The following MGAT4C variants were observed in gnomAD, a reference collection of about 807,000 sequenced individuals.
MGAT4C encodes the protein alpha-1,3-mannosyl-glycoprotein 4-beta-N-acetylglucosaminyltransferase C.
In MGAT4C, 19 loss-of-function variants were observed where a neutral mutation model predicts 40.1. That is an observed-to-expected ratio of 0.47 (90% CI 0.33 to 0.70). MGAT4C has a LOEUF of 0.70. Ranked by LOEUF, MGAT4C falls within the 30% of genes least tolerant of loss-of-function variation. The pLI, the probability that MGAT4C is intolerant of heterozygous loss-of-function variation, is 0.02. For missense variants in MGAT4C, 491 were observed against 563.2 expected, an observed-to-expected ratio of 0.87 and a Z score of 1.30; for synonymous variants, 181 against 187.1, an observed-to-expected ratio of 0.97 and a Z score of 0.27.
At chr12:86,265,164 T>G (rs898180648) in intron 4 of MGAT4C, among the ~76,000 whole-genome samples, 4 of 142,914 alleles carry the variant, frequency 2.8e-5, no homozygotes, top group African/African-American at 1.1e-4. Context: ...CCTCGCTCCC[T>G]CATACATCCC....
At chr12:86,375,245 C>A (rs182344106) in intron 3 of MGAT4C, among the ~76,000 whole-genome samples, 154 of 152,228 alleles carry the variant, frequency 1.0e-3, no homozygotes, top group Non-Finnish European at 1.7e-3. Context: ...GAATAGTTCA[C>A]TCAAGGTTTT....
chr12:86,173,497 C>A (rs1170579933), intron 1 of MGAT4C, among the ~76,000 whole-genome samples: 1 of 151,916 alleles, frequency 6.6e-6, no homozygotes, highest in African/African-American at 2.4e-5. Flanking sequence ...AAATGATATG[C>A]AACAGATCAG....
chr12:86,047,683 T>C (rs1425531264), intron 2 of MGAT4C, among the ~76,000 whole-genome samples: 1 of 152,058 alleles, frequency 6.6e-6, no homozygotes, highest in Non-Finnish European at 1.5e-5. Flanking sequence ...AAAAGAAATA[T>C]TCATTCCTGA....
intron 2 of MGAT4C, among the ~76,000 whole-genome samples, chr12:86,720,882 G>A (rs1365125942): frequency 6.6e-6 from 1 of 152,174 alleles, no homozygotes; most frequent in Non-Finnish European, 1.5e-5. Context: ...CATGGTGGTT[G>A]AGAGTTGGGA....
chr12:86,523,347 T>G (rs953013836), intron 2 of MGAT4C, among the ~76,000 whole-genome samples: 2 of 152,122 alleles, frequency 1.3e-5, no homozygotes, highest in African/African-American at 4.8e-5. Context: ...TTCATTATGT[T>G]CCCAAAAGTC....
intron 2 of MGAT4C, among the ~76,000 whole-genome samples, chr12:86,030,947 G>A (rs760603441): frequency 2.0e-5 from 3 of 151,608 alleles, no homozygotes; most frequent in Non-Finnish European, 3.0e-5. Flanking sequence ...TAGAGTCTAC[G>A]GTGATAGTGT....
At chr12:86,213,804 G>C (rs1392027423) in intron 1 of MGAT4C, among the ~76,000 whole-genome samples, 1 of 152,208 alleles carries the variant, frequency 6.6e-6, no homozygotes, top group Non-Finnish European at 1.5e-5. Context: ...TTTGAAATCA[G>C]TGTATGGTTA....
At chr12:86,175,205 G>A (rs1887268272) in intron 1 of MGAT4C, among the ~76,000 whole-genome samples, 1 of 152,048 alleles carries the variant, frequency 6.6e-6, no homozygotes, top group African/African-American at 2.4e-5. Context: ...TTGTAAAAAA[G>A]AATATGTAAA....
intron 3 of MGAT4C, among the ~76,000 whole-genome samples, chr12:86,359,880 C>A (rs562198644): frequency 6.6e-6 from 1 of 152,162 alleles, no homozygotes; most frequent in Non-Finnish European, 1.5e-5. Flanking sequence ...GATGGATTCA[C>A]AGCCAAATTC....
chr12:86,710,650 T>C (rs1278721433), intron 2 of MGAT4C, among the ~76,000 whole-genome samples: 1 of 151,992 alleles, frequency 6.6e-6, no homozygotes, highest in African/African-American at 2.4e-5. Context: ...GAACTAAAAG[T>C]AGAACTATCA....
At chr12:86,261,029 A>G (rs953550539), upstream of MGAT4C, among the ~76,000 whole-genome samples, 8 of 152,170 alleles carry the variant, frequency 5.3e-5, no homozygotes, top group African/African-American at 9.6e-5. Flanking sequence ...ATAGCTACTC[A>G]TAAGTATTAA....
chr12:86,407,575 T>G (rs1956500155), intron 3 of MGAT4C, among the ~76,000 whole-genome samples: 1 of 152,250 alleles, frequency 6.6e-6, no homozygotes, highest in South Asian at 2.1e-4. Flanking sequence ...GTGGGATTAA[T>G]GTCATTTTGA....
At chr12:86,699,739 G>A (rs780666558) in intron 2 of MGAT4C, among the ~76,000 whole-genome samples, 8 of 151,638 alleles carry the variant, frequency 5.3e-5, no homozygotes, top group Non-Finnish European at 1.0e-4. Context: ...AACAAAATAA[G>A]GTAGAGAAAA....
At chr12:86,376,841 A>C (rs2136216410) in intron 3 of MGAT4C, among the ~76,000 whole-genome samples, 1 of 71,200 alleles carries the variant, frequency 1.4e-5, no homozygotes, top group East Asian at 4.0e-4. Flanking sequence ...AGAGAGAGAG[A>C]GACAGAGAGA....
chr12:86,370,776 T>A (rs546406029), intron 3 of MGAT4C, among the ~76,000 whole-genome samples: 32 of 152,198 alleles, frequency 2.1e-4, no homozygotes, highest in African/African-American at 7.5e-4. Context: ...ATGCATAATT[T>A]CCCGAAAGTA....
intron 1 of MGAT4C, among the ~76,000 whole-genome samples, chr12:86,231,910 G>A (rs1037902033): frequency 1.3e-5 from 2 of 152,040 alleles, no homozygotes; most frequent in African/African-American, 2.4e-5. Context: ...AGGCCAAGGC[G>A]GGGTGATCAC....
At chr12:86,237,232 T>C (rs1453908166) in intron 1 of MGAT4C, among the ~76,000 whole-genome samples, 3 of 151,646 alleles carry the variant, frequency 2.0e-5, no homozygotes, top group African/African-American at 4.8e-5. Flanking sequence ...GTTCCGGATA[T>C]AGATAACCTA....
intron 1 of MGAT4C, among the ~76,000 whole-genome samples, chr12:86,150,495 T>G (rs1049752366): frequency 6.6e-6 from 1 of 152,228 alleles, no homozygotes; most frequent in Non-Finnish European, 1.5e-5. Flanking sequence ...TTTGCATACA[T>G]GCTTTTTGCA....
intron 3 of MGAT4C, among the ~76,000 whole-genome samples, chr12:86,377,161 A>G (rs1955844672): frequency 6.6e-6 from 1 of 151,746 alleles, no homozygotes; most frequent in African/African-American, 2.4e-5. Flanking sequence ...CCTAGGTTTA[A>G]GCGATTCTCC....
Sources: allele counts gnomAD v4.1 joint callset (sites outside exome capture counted in the v4.1 genomes callset), GRCh38; gene constraint gnomAD v4.1.1; transcripts MANE v1.5; gene names NCBI Gene and HGNC (gene_info 2026-07-23, HGNC 2026-07-21).